LRRC4C: variants seen among roughly 807,000 people sequenced by gnomAD.
LRRC4C encodes the protein leucine rich repeat containing 4C, also known as leucine-rich repeat-containing protein 4C.
A neutral mutation model predicts 33.6 loss-of-function variants in LRRC4C; 5 were observed. That is an observed-to-expected ratio of 0.15 (90% CI 0.08 to 0.31). LRRC4C has a LOEUF of 0.31. Among genes scored for constraint, LRRC4C ranks in the 10% least tolerant of loss-of-function variants. The pLI, the probability that LRRC4C is intolerant of heterozygous loss-of-function variation, is 1.00. For synonymous variants in LRRC4C, 329 were observed against 302.0 expected (o/e 1.09, Z -0.93); for missense variants, 560 against 796.7 (o/e 0.70, Z 3.58).
rs143359659 is a variant in LRRC4C, at chr11:40,432,079, C to G, written c.-269-112358G>C. Among the ~76,000 whole-genome samples, 167 of 152,228 alleles carry G rather than the reference C, an allele frequency of 1.1e-3. 1 individual carries two copies. Among genetic ancestry groups the G allele is most frequent in the African/African-American group, 3.9e-3 (161 of 41,546 alleles). On this transcript the variant is annotated intron_variant, in intron 3 of 6. Transcript: ENST00000528697. Reference sequence around the variant, plus strand: ...TAAAACTTCAGACAGGTAGACAGACCTCTTTGATTTTCATATCAGCTGGCA... The same window carrying G: ...TAAAACTTCAGACAGGTAGACAGACGTCTTTGATTTTCATATCAGCTGGCA...
intron 3 of LRRC4C, among the ~76,000 whole-genome samples, chr11:40,323,136 C>T (rs1945933753): frequency 6.6e-6 from 1 of 152,156 alleles, no homozygotes; most frequent in African/African-American, 2.4e-5. Context: ...AAAGCAATTG[C>T]ACTCAAAGGC....
intron 3 of LRRC4C, among the ~76,000 whole-genome samples, chr11:40,504,744 T>C (rs946590034): frequency 6.6e-6 from 1 of 152,206 alleles, no homozygotes; most frequent in Non-Finnish European, 1.5e-5. Context: ...CTGTCTAGAA[T>C]GTATTGCTAT....
At chr11:41,104,884 G>A (rs1396023690) in intron 1 of LRRC4C, among the ~76,000 whole-genome samples, 1 of 151,786 alleles carries the variant, frequency 6.6e-6, no homozygotes, top group Non-Finnish European at 1.5e-5. Flanking sequence ...GTCCAGAAAT[G>A]GAGAATCTGT....
Position 41,163,459 on chromosome 11 carries a change from T to C in LRRC4C, c.-495-229736A>G, listed in dbSNP as rs146983776. Among the ~76,000 whole-genome samples the C allele has an allele frequency of 2.7e-3, 408 of 151,458 alleles. 3 individuals carry two copies. Among genetic ancestry groups the C allele is most frequent in the African/African-American group, 9.4e-3 (388 of 41,270 alleles). Reference sequence around the variant, plus strand: ...CCATCACACCCAACTAATTTTTGTATTTATAGTAGAGATAGGGTTTCCCCA... The same window carrying C: ...CCATCACACCCAACTAATTTTTGTACTTATAGTAGAGATAGGGTTTCCCCA... On this transcript the variant is annotated intron_variant, in intron 1 of 6. Coordinates refer to ENST00000528697, the MANE Select transcript of LRRC4C (RefSeq NM_001258419.2).
chr11:41,082,531 G>T (rs1939658244), intron 1 of LRRC4C, among the ~76,000 whole-genome samples: 1 of 146,684 alleles, frequency 6.8e-6, no homozygotes, highest in Non-Finnish European at 1.5e-5. Context: ...GTTTTACATA[G>T]AAAGTCATTT....
intron 1 of LRRC4C, among the ~76,000 whole-genome samples, chr11:41,320,989 A>C (rs1186856587): frequency 6.6e-6 from 1 of 152,204 alleles, no homozygotes; most frequent in Non-Finnish European, 1.5e-5. Flanking sequence ...GTCTTTTTAC[A>C]ATATTGCAAG....
intron 3 of LRRC4C, among the ~76,000 whole-genome samples, chr11:40,480,978 A>G (rs1196348988): frequency 1.3e-5 from 2 of 151,994 alleles, no homozygotes; most frequent in African/African-American, 4.8e-5. Context: ...TTCAGTTATA[A>G]GATGAAGAAG....
intron 3 of LRRC4C, among the ~76,000 whole-genome samples, chr11:40,632,325 C>T (rs76366755): frequency 0.019 from 2,921 of 152,252 alleles, 86 homozygotes; most frequent in African/African-American, 0.067. Context: ...AAAGCTCACA[C>T]GCAGAAAGAT....
Position 41,426,209 on chromosome 11 carries a change from A to G in LRRC4C, c.-496+33222T>C, listed in dbSNP as rs893982995. ...AGTGACATCTTCCCAGATCTCTGCC[A>G]CTTAACTACATTGACTTCCTTTTCT... On this transcript the variant is annotated intron_variant, in intron 1 of 6. Transcript: ENST00000528697. 3.9e-5 allele frequency: 6 copies of G among 152,200 alleles called. 1 individual carries two copies. In the South Asian group the frequency reaches 6.2e-4, roughly 16 times the overall value. The allele number at this position is 152,200 out of a possible 1,614,324, so 9.4% of individuals were successfully genotyped here.
intron 2 of LRRC4C, among the ~76,000 whole-genome samples, chr11:40,716,533 T>G (rs1434011959): frequency 1.3e-5 from 2 of 152,132 alleles, no homozygotes; most frequent in Non-Finnish European, 2.9e-5. Context: ...ATATTTGCTA[T>G]GTGCTGAAGG....
intron 5 of LRRC4C, among the ~76,000 whole-genome samples, chr11:40,233,516 G>T (rs1040142483): frequency 1.3e-5 from 2 of 152,080 alleles, no homozygotes; most frequent in Non-Finnish European, 2.9e-5. Flanking sequence ...GATCCTAGAC[G>T]CAGAGAGCTG....
chr11:40,696,963 T>A (rs1945596037), intron 2 of LRRC4C, among the ~76,000 whole-genome samples: 1 of 151,902 alleles, frequency 6.6e-6, no homozygotes, highest in South Asian at 2.1e-4. Flanking sequence ...ACACGATGAT[T>A]CATTAACTTC....
intron 4 of LRRC4C, among the ~76,000 whole-genome samples, chr11:40,311,694 C>A (rs887007668): frequency 8.5e-5 from 13 of 152,196 alleles, no homozygotes; most frequent in African/African-American, 1.9e-4. Context: ...CACCTGTAAT[C>A]CCAGTATTTT....
intron 3 of LRRC4C, among the ~76,000 whole-genome samples, chr11:40,552,445 T>A (rs988680263): frequency 6.6e-6 from 1 of 152,100 alleles, no homozygotes; most frequent in Admixed American, 6.6e-5. Flanking sequence ...AATAAATAAG[T>A]CTTTGATGGA....
chr11:40,136,433 CTTT>C, intron 6 of LRRC4C, among the ~76,000 whole-genome samples: 1 of 137,990 alleles, frequency 7.2e-6, no homozygotes, highest in African/African-American at 2.7e-5. Context: ...TGCCCGGCTA[CTTT>C]TTTTTTTTTT....
At chr11:40,233,494 A>G (rs1865348736) in intron 5 of LRRC4C, among the ~76,000 whole-genome samples, 1 of 152,208 alleles carries the variant, frequency 6.6e-6, no homozygotes, top group South Asian at 2.1e-4. Context: ...TATTTAGAAA[A>G]GGCAAGATAG....
At chr11:40,520,923 T>C (rs1296135316) in intron 3 of LRRC4C, among the ~76,000 whole-genome samples, 1 of 152,170 alleles carries the variant, frequency 6.6e-6, no homozygotes, top group Non-Finnish European at 1.5e-5. Context: ...CCCAGGGATA[T>C]AGGTTATTAA....
chr11:40,234,535 A>T (rs560142296), intron 5 of LRRC4C, among the ~76,000 whole-genome samples: 1 of 152,270 alleles, frequency 6.6e-6, no homozygotes, highest in South Asian at 2.1e-4. Flanking sequence ...TTGGGAGGCA[A>T]AGGTAAGAAG....
intron 1 of LRRC4C, among the ~76,000 whole-genome samples, chr11:41,093,521 G>A (rs947531387): frequency 2.6e-5 from 4 of 152,044 alleles, no homozygotes; most frequent in African/African-American, 9.7e-5. Flanking sequence ...AGTGGAATAT[G>A]TATACTATTT....
Sources: allele counts gnomAD v4.1 joint callset (sites outside exome capture counted in the v4.1 genomes callset), GRCh38; gene constraint gnomAD v4.1.1; transcripts MANE v1.5; gene names NCBI Gene and HGNC (gene_info 2026-07-23, HGNC 2026-07-21).